The following MID1 variants were observed in gnomAD, a reference collection of about 807,000 sequenced individuals.
The protein encoded by MID1 is E3 ubiquitin-protein ligase Midline-1.
In MID1, 7 loss-of-function variants were observed where a neutral mutation model predicts 40.4. That is an observed-to-expected ratio of 0.17 (90% CI 0.10 to 0.33). The LOEUF is 0.33. Ranked by LOEUF, MID1 falls within the 10% of genes least tolerant of loss-of-function variation. The pLI, the probability that MID1 is intolerant of heterozygous loss-of-function variation, is 1.00. For synonymous variants in MID1, 229 were observed against 221.2 expected, an observed-to-expected ratio of 1.04 and a Z score of -0.31; for missense variants, 367 against 558.5, an observed-to-expected ratio of 0.66 and a Z score of 3.46.
At chrX:10,627,378 T>C (rs1382012846) in intron 1 of MID1, among the ~76,000 whole-genome samples, 1 of 112,167 alleles carries the variant, frequency 8.9e-6, no homozygotes, top group African/African-American at 3.2e-5. Flanking sequence ...AGGCTTATGA[T>C]AGTTTTTCCA....
intron 7 of MID1, chrX:10,469,440 A>C: frequency 1.8e-6 from 2 of 1,092,072 alleles, no homozygotes; most frequent in South Asian, 2.4e-5. Context: ...GTTTCTCTCT[A>C]TATATTTGTT....
At chrX:10,571,145 G>A (rs1264561241) in intron 1 of MID1, among the ~76,000 whole-genome samples, 1 of 112,439 alleles carries the variant, frequency 8.9e-6, no homozygotes, top group African/African-American at 3.2e-5. Context: ...TACTGCCATA[G>A]CACCTGGCAT....
chrX:10,559,184 A>C (rs1339456978), intron 2 of MID1, among the ~76,000 whole-genome samples: 2 of 112,805 alleles, frequency 1.8e-5, no homozygotes, highest in African/African-American at 6.4e-5. Context: ...AAACTATTAA[A>C]AAATATACAT....
intron 4 of MID1, among the ~76,000 whole-genome samples, chrX:10,490,000 T>C (rs903502358): frequency 6.2e-5 from 7 of 112,108 alleles, no homozygotes; most frequent in African/African-American, 2.3e-4. Context: ...CGGTCTATTT[T>C]TCAAAGTTTT....
intron 1 of MID1, among the ~76,000 whole-genome samples, chrX:10,826,710 C>A (rs781233922): frequency 8.9e-6 from 1 of 111,760 alleles, no homozygotes; most frequent in African/African-American, 3.3e-5. Context: ...GCAACATATA[C>A]CTCCATTTTA....
chrX:10,699,935 G>T (rs1223883775), intron 1 of MID1, among the ~76,000 whole-genome samples: 1 of 108,778 alleles, frequency 9.2e-6, no homozygotes, highest in Non-Finnish European at 1.9e-5. Flanking sequence ...TGATTTTCCT[G>T]CCTCAGCCAC....
At chrX:10,609,717 T>C (rs1480915273) in intron 1 of MID1, among the ~76,000 whole-genome samples, 1 of 86,166 alleles carries the variant, frequency 1.2e-5, no homozygotes, top group Non-Finnish European at 2.1e-5. Context: ...CTTTCTTTCT[T>C]TTTTTTTTTT....
At chrX:10,544,337 G>GA (rs936462970) in intron 2 of MID1, among the ~76,000 whole-genome samples, 63 of 104,613 alleles carry the variant, frequency 6.0e-4, no homozygotes, top group African/African-American at 1.9e-3. Flanking sequence ...ACTTAAGGGA[G>GA]AAAAAAAAAA....
At chrX:10,562,354 TGTCCCA>T (rs2147458006) in intron 2 of MID1, among the ~76,000 whole-genome samples, 1 of 90,812 alleles carries the variant, frequency 1.1e-5, no homozygotes, top group East Asian at 3.1e-4. Context: ...TCTGCACATG[TGTCCCA>T]GAACTTAAAG....
intron 1 of MID1, among the ~76,000 whole-genome samples, chrX:10,756,836 G>A (rs1369894999): frequency 8.9e-6 from 1 of 112,011 alleles, no homozygotes; most frequent in Non-Finnish European, 1.9e-5. Flanking sequence ...AATGACAAGT[G>A]TGCAGAATTC....
intron 5 of MID1, among the ~76,000 whole-genome samples, chrX:10,476,960 G>A (rs1403401845): frequency 8.9e-6 from 1 of 112,305 alleles, no homozygotes; most frequent in African/African-American, 3.2e-5. Context: ...ACTTCATAGA[G>A]GTCCTAGGAT....
At chrX:10,491,785 T>C (rs891265506) in intron 4 of MID1, among the ~76,000 whole-genome samples, 1 of 112,037 alleles carries the variant, frequency 8.9e-6, no homozygotes, top group African/African-American at 3.2e-5. Context: ...CAGGGTTCTA[T>C]GGTATTCAGT....
intron 1 of MID1, among the ~76,000 whole-genome samples, chrX:10,664,106 G>A (rs1019783569): frequency 1.8e-5 from 2 of 109,989 alleles, no homozygotes; most frequent in Non-Finnish European, 3.8e-5. Flanking sequence ...TTTAACTATG[G>A]AGTTAAAAGA....
At chrX:10,808,858 T>C (rs990638603) in intron 1 of MID1, among the ~76,000 whole-genome samples, 1 of 111,964 alleles carries the variant, frequency 8.9e-6, no homozygotes, top group Non-Finnish European at 1.9e-5. Flanking sequence ...ATTCAGGACA[T>C]AGGCATGGGC....
intron 2 of MID1, among the ~76,000 whole-genome samples, chrX:10,552,366 C>T (rs1173883223): frequency 9.0e-6 from 1 of 110,596 alleles, no homozygotes; most frequent in Non-Finnish European, 1.9e-5. Context: ...AGTCATTCCT[C>T]AATATCTACA....
intron 1 of MID1, among the ~76,000 whole-genome samples, chrX:10,714,295 G>A (rs781732022): frequency 8.9e-5 from 10 of 112,799 alleles, no homozygotes; most frequent in African/African-American, 3.2e-4. Context: ...CATGCCAGCA[G>A]CCCAGGCCCC....
chrX:10,498,739 C>A (rs1931390826), intron 3 of MID1, among the ~76,000 whole-genome samples: 1 of 112,331 alleles, frequency 8.9e-6, no homozygotes, highest in Non-Finnish European at 1.9e-5. Flanking sequence ...TGGCTTCTTT[C>A]ACTTAGCATA....
intron 1 of MID1, among the ~76,000 whole-genome samples, chrX:10,591,655 G>A (rs1347522709): frequency 1.8e-5 from 2 of 110,768 alleles, no homozygotes; most frequent in African/African-American, 6.6e-5. Context: ...ACAGTCCAAA[G>A]AGGGGTGCTC....
chrX:10,543,223 A>G (rs1292548394), intron 2 of MID1, among the ~76,000 whole-genome samples: 3 of 112,328 alleles, frequency 2.7e-5, no homozygotes, highest in Non-Finnish European at 5.6e-5. Flanking sequence ...GGTTTATCTG[A>G]TTCCAAAACA....
Sources: allele counts gnomAD v4.1 joint callset (sites outside exome capture counted in the v4.1 genomes callset), GRCh38; gene constraint gnomAD v4.1.1; transcripts MANE v1.5; gene names NCBI Gene and HGNC (gene_info 2026-07-23, HGNC 2026-07-21).